Variants in PTPN5 observed in about 807,000 individuals in gnomAD.
PTPN5 encodes protein tyrosine phosphatase non-receptor type 5, also known as tyrosine-protein phosphatase non-receptor type 5.
Under a neutral mutation model 73.9 loss-of-function variants are expected in PTPN5, and 29 were observed. The ratio of observed to expected loss-of-function variants is 0.39; its 90% CI spans 0.29 to 0.54. PTPN5 has a LOEUF of 0.54. Among genes scored for constraint, PTPN5 ranks in the 20% least tolerant of loss-of-function variants. The pLI, the probability that PTPN5 is intolerant of heterozygous loss-of-function variation, is 0.65. For missense variants in PTPN5, 652 were observed against 751.4 expected (o/e 0.87, Z 1.55); for synonymous variants, 267 against 304.7 (o/e 0.88, Z 1.29).
At chr11:18,774,156 G>A (rs1336826340) in intron 1 of PTPN5, among the ~76,000 whole-genome samples, 1 of 152,238 alleles carries the variant, frequency 6.6e-6, no homozygotes, top group Non-Finnish European at 1.5e-5. Flanking sequence ...TTTCTCATAT[G>A]TCTAACACGG....
At position 18,770,426 on chromosome 11, in the gene PTPN5, T is replaced by C. The variant is rs1375952824; in HGVS notation, c.20+1513A>G. Among the ~76,000 whole-genome samples, 7 of 152,396 alleles carry C rather than the reference T, an allele frequency of 4.6e-5. No homozygotes were observed. The South Asian group carries it at 1.4e-3, about 32-fold the overall frequency. On this transcript the variant is annotated intron_variant, in intron 2 of 14. Coordinates refer to ENST00000358540, the MANE Select transcript of PTPN5 (RefSeq NM_006906.2). Reference sequence around the variant, plus strand: ...AGCCTTTTGTGCTTTTGTGTTTGGCTTCTTGCACTTAGCAAGTCCGTAGCA... The same window carrying C: ...AGCCTTTTGTGCTTTTGTGTTTGGCCTCTTGCACTTAGCAAGTCCGTAGCA...
intron 2 of PTPN5, among the ~76,000 whole-genome samples, chr11:18,769,436 C>T (rs1285437921): frequency 6.6e-6 from 1 of 152,172 alleles, no homozygotes; most frequent in Non-Finnish European, 1.5e-5. Flanking sequence ...CGGAGTCTCA[C>T]TCTGTTGCCC....
Position 18,733,103 on chromosome 11 carries a change from C to T in PTPN5, c.1218+132G>A. 1 of 1,358,884 alleles carries T rather than the reference C, an allele frequency of 7.4e-7. No homozygotes were observed. Among genetic ancestry groups the T allele is most frequent in the South Asian group, 1.4e-5 (1 of 73,346 alleles). The allele number at this position is 1,358,884 out of a possible 1,614,324, so 84.2% of individuals were successfully genotyped here. A position where few individuals can be genotyped will look rare whatever the true frequency, so the allele number is the denominator to read the frequency against. On this transcript the variant is annotated intron_variant, in intron 11 of 14. Coordinates refer to ENST00000358540, the MANE Select transcript of PTPN5 (RefSeq NM_006906.2). The surrounding 1 kb of genome is among the most constrained non-coding windows in gnomAD (Gnocchi z 4.3). The stretch of plus-strand genomic sequence containing the variant: ...AATGACTTAACCTTACCGAGCCTCA[C>T]ATCTCCTCATCTTGGCAGCGGAGTG...
At chr11:18,762,886 G>A (rs1032956321) in intron 3 of PTPN5, among the ~76,000 whole-genome samples, 5 of 152,206 alleles carry the variant, frequency 3.3e-5, no homozygotes, top group African/African-American at 1.2e-4. Flanking sequence ...TTCTTGACTA[G>A]CACATAATAC....
rs1369667282 is a variant in PTPN5, at chr11:18,728,644, T to A, written c.*290A>T. On this transcript the variant is annotated 3_prime_UTR_variant, in exon 15 of 15. Transcript: ENST00000358540. This position sits in a 1 kb window ranked among gnomAD's most constrained non-coding sequence, Gnocchi z 4.1. ...GGAAACATTCTGGATCAGGTATTGA[T>A]GGAACCATCGTTAAAAACTGGAGCC... is the stretch of plus-strand genomic sequence containing the variant. 2 of 368,230 alleles carry A rather than the reference T, an allele frequency of 5.4e-6. No homozygotes were observed. The highest frequency in any genetic ancestry group is 1.1e-4 in the East Asian group (2 of 17,832). The allele number at this position is 368,230 out of a possible 1,614,324, so 22.8% of individuals were successfully genotyped here.
chr11:18,749,005 T>A (rs1425179230), intron 3 of PTPN5, among the ~76,000 whole-genome samples: 1 of 152,188 alleles, frequency 6.6e-6, no homozygotes, highest in Non-Finnish European at 1.5e-5. Flanking sequence ...TCTCCTTTAC[T>A]CACTATCTTG....
chr11:18,758,497 T>C (rs1850249052), intron 3 of PTPN5, among the ~76,000 whole-genome samples: 1 of 151,962 alleles, frequency 6.6e-6, no homozygotes, highest in Admixed American at 6.6e-5. Context: ...TGACCTCAGC[T>C]GATGCCACAT....
chr11:18,763,395 A>T (rs548930323), intron 3 of PTPN5, among the ~76,000 whole-genome samples: 79 of 152,328 alleles, frequency 5.2e-4, no homozygotes, highest in African/African-American at 1.7e-3. Flanking sequence ...TCCTCCCTCT[A>T]CCAGCTAAGT....
At chr11:18,779,076 A>G (rs1178515892) in intron 1 of PTPN5, among the ~76,000 whole-genome samples, 3 of 152,160 alleles carry the variant, frequency 2.0e-5, no homozygotes, top group Non-Finnish European at 2.9e-5. Context: ...CAGAGGGGAA[A>G]GCTGAAGTTC....
chr11:18,749,494 G>GC (rs1849789458), intron 3 of PTPN5: 1 of 510,708 alleles, frequency 2.0e-6, no homozygotes, highest in Non-Finnish European at 3.9e-6. Flanking sequence ...AGGGTGGGGG[G>GC]CAGAACCTTG....
chr11:18,732,595 G>T lies in PTPN5; in HGVS notation c.1326C>A (p.Leu442=), dbSNP rs1848930902. ...TEDYRLRLIS[L]KSGTEERGLK... Reference sequence around the variant, plus strand: ...CCAGCCCTGCCCCAGGCCTCACCTTGAGGGAGATGAGTCGCAGCCGGTAAT... The same window carrying T: ...CCAGCCCTGCCCCAGGCCTCACCTTTAGGGAGATGAGTCGCAGCCGGTAAT... The change falls in exon 12 of 15, where the codon CTC becomes CTA. Residue 442 remains leucine (L), a synonymous_variant. Coordinates refer to ENST00000358540, the MANE Select transcript of PTPN5 (RefSeq NM_006906.2). The T allele has an allele frequency of 6.2e-7, 1 of 1,613,062 alleles. No homozygotes were observed. The highest frequency in any genetic ancestry group is 1.3e-5 in the African/African-American group (1 of 74,916).
chr11:18,740,907 G>T, intron 7 of PTPN5, 115 bp from the exon 8 acceptor site: 1 of 582,876 alleles, frequency 1.7e-6, no homozygotes, highest in Admixed American at 4.0e-5. Flanking sequence ...ACAGGGTGGG[G>T]TTGAGGAAGA....
chr11:18,764,466 T>G (rs1021191566), intron 3 of PTPN5, among the ~76,000 whole-genome samples: 4 of 152,200 alleles, frequency 2.6e-5, no homozygotes, highest in East Asian at 1.9e-4. Flanking sequence ...CCCTACTGGT[T>G]AAGGTATGAA....
intron 3 of PTPN5, among the ~76,000 whole-genome samples, chr11:18,746,192 T>TATATACAC (rs550537453): frequency 9.7e-6 from 1 of 102,826 alleles, no homozygotes; most frequent in South Asian, 3.3e-4. Context: ...TATATATATA[T>TATATACAC]ACATTTTTTT....
chr11:18,792,367 T>C (rs1254404823), upstream of PTPN5: 1 of 152,376 alleles, frequency 6.6e-6, no homozygotes, highest in Non-Finnish European at 1.5e-5. Context: ...CGAGGACTCG[T>C]TCTAGGACGC....
At chr11:18,781,212 C>T (rs890622571) in intron 1 of PTPN5, among the ~76,000 whole-genome samples, 1 of 150,442 alleles carries the variant, frequency 6.6e-6, no homozygotes, top group Non-Finnish European at 1.5e-5. Flanking sequence ...CATGCCACTT[C>T]CCATGATGCT....
intron 1 of PTPN5, among the ~76,000 whole-genome samples, chr11:18,782,903 T>C (rs1851505780): frequency 6.6e-6 from 1 of 152,210 alleles, no homozygotes; most frequent in East Asian, 1.9e-4. Context: ...AGTAGGTCCC[T>C]GTTGAGAAAT....
At position 18,733,772 on chromosome 11, in the gene PTPN5, A is replaced by G. The variant is rs557392795; in HGVS notation, c.1001-137T>C. 115 of 759,228 alleles carry G rather than the reference A, an allele frequency of 1.5e-4. 1 individual carries two copies. In the South Asian group the frequency reaches 1.8e-3, roughly 12 times the overall value. 47.0% of individuals were successfully genotyped at this position (759,228 alleles called of 1,614,324 possible). On this transcript the variant is annotated intron_variant, in intron 9 of 14. Coordinates refer to ENST00000358540, the MANE Select transcript of PTPN5 (RefSeq NM_006906.2). The surrounding 1 kb of genome is among the most constrained non-coding windows in gnomAD (Gnocchi z 4.3). ...TCCTTCCCTTGCCCAGCAGCAAAAC[A>G]TTGACCCATTCATGGTTCATTTTGT...
chr11:18,731,690 G>A (rs562198221), intron 12 of PTPN5, among the ~76,000 whole-genome samples: 1 of 152,288 alleles, frequency 6.6e-6, no homozygotes, highest in African/African-American at 2.4e-5. Context: ...AGCTGCTTGT[G>A]GGGGCACTGC....
Sources: allele counts gnomAD v4.1 joint callset (sites outside exome capture counted in the v4.1 genomes callset), GRCh38; gene constraint gnomAD v4.1.1; non-coding constraint Gnocchi (gnomAD v3.1); transcripts MANE v1.5; gene names NCBI Gene and HGNC (gene_info 2026-07-23, HGNC 2026-07-21).